The following TLN2 variants were observed in gnomAD, a reference collection of about 807,000 sequenced individuals.
The protein encoded by TLN2 is talin-2.
TLN2 carries 118 observed loss-of-function variants against 294.7 expected under a neutral mutation model. The observed-to-expected ratio is 0.40, with a 90% CI of 0.34 to 0.47. TLN2 has a LOEUF of 0.47. Ranked by LOEUF, TLN2 falls within the 20% of genes least tolerant of loss-of-function variation. The pLI, the probability that TLN2 is intolerant of heterozygous loss-of-function variation, is 0.84. For synonymous variants in TLN2, 1,431 were observed against 1,304.5 expected, an observed-to-expected ratio of 1.10 and a Z score of -2.09; for missense variants, 3,083 against 3,282.2, an observed-to-expected ratio of 0.94 and a Z score of 1.48.
rs1174048943 is a variant in TLN2 at position 62,841,663 on chromosome 15, T to A, written c.*1053T>A. 2 of 151,294 alleles carry A rather than the reference T, an allele frequency of 1.3e-5. No homozygotes were observed. The highest frequency in any genetic ancestry group is 4.9e-5 in the African/African-American group (2 of 40,580). 9.4% of individuals were successfully genotyped at this position (151,294 alleles called of 1,614,324 possible). A position where few individuals can be genotyped will look rare whatever the true frequency, so the allele number is the denominator to read the frequency against. ...AATGTGAACCTTTAACAAGATAGTT[T>A]TACTTATTATCACATAAGACATAAG... On this transcript the variant is annotated 3_prime_UTR_variant, in exon 59 of 59. Transcript: ENST00000636159.
intron 1 of TLN2, among the ~76,000 whole-genome samples, chr15:62,540,292 A>G (rs569221294): frequency 6.6e-6 from 1 of 152,106 alleles, no homozygotes; most frequent in Admixed American, 6.6e-5. Context: ...GTGAGCCAAG[A>G]TCGCACCACT....
intron 41 of TLN2, 45 bp from the exon 42 acceptor site, chr15:62,770,919 G>A: frequency 6.4e-7 from 1 of 1,574,534 alleles, no homozygotes; most frequent in African/African-American, 1.4e-5. Context: ...GGAGACACGT[G>A]TATTTACATG....
At chr15:62,832,828 GC>G (rs1035190729) in intron 54 of TLN2, 1 of 151,696 alleles carries the variant, frequency 6.6e-6, no homozygotes, top group Non-Finnish European at 1.5e-5. Context: ...AGAACTGGTA[GC>G]CATCTTTCCT....
rs542782511 is a variant in TLN2 at position 62,580,163 on chromosome 15, T to TA, written c.-237-9518dup. On this transcript the variant is annotated intron_variant, in intron 1 of 58. Transcript: ENST00000636159. ...ACCACACCTCTTTCTCTCTGTATTT[T>TA]AAAAAATATTTTGTTTATTTTTAAC... Among the ~76,000 whole-genome samples, 21 of 152,306 alleles carry TA rather than the reference T, an allele frequency of 1.4e-4. No individual in the cohort carries two copies. In the South Asian group the frequency reaches 3.9e-3, roughly 29 times the overall value.
chr15:62,794,580 G>A (rs1229395286), intron 46 of TLN2, among the ~76,000 whole-genome samples: 3 of 152,216 alleles, frequency 2.0e-5, no homozygotes, highest in African/African-American at 4.8e-5. Context: ...CCTCTGAGGG[G>A]CTTTCCAGAA....
At chr15:62,395,937 G>A (rs1442892295) in intron 1 of TLN2, among the ~76,000 whole-genome samples, 2 of 152,106 alleles carry the variant, frequency 1.3e-5, no homozygotes, top group Admixed American at 6.6e-5. Context: ...CTGGGTTCAA[G>A]TGATTCTCCT....
rs191032855 is a variant in TLN2, at chr15:62,575,380, A to T, written c.-237-14307A>T. On this transcript the variant is annotated intron_variant, in intron 1 of 58. Transcript: ENST00000636159. ...GATAAACTTTTGCAAATTCAATAAAAATGAAATATTTGAAAAAATAAAATA... is the reference window on the plus strand; with the variant it reads ...GATAAACTTTTGCAAATTCAATAAATATGAAATATTTGAAAAAATAAAATA... Among the ~76,000 whole-genome samples, 237 of 152,352 alleles carry T rather than the reference A, an allele frequency of 1.6e-3. 1 individual carries two copies. Among genetic ancestry groups the T allele is most frequent in the Admixed American group, 3.3e-3 (51 of 15,306 alleles).
chr15:62,415,472 G>C (rs933885770), intron 1 of TLN2, among the ~76,000 whole-genome samples: 1 of 142,482 alleles, frequency 7.0e-6, no homozygotes, highest in Non-Finnish European at 1.5e-5. Context: ...TTTAAGAAAC[G>C]TTTCCTGGTG....
At chr15:62,795,743 G>A (rs1156968017) in intron 46 of TLN2, among the ~76,000 whole-genome samples, 3 of 152,198 alleles carry the variant, frequency 2.0e-5, no homozygotes, top group Non-Finnish European at 4.4e-5. Flanking sequence ...CCCGTTCTGT[G>A]GTTTCAGAAA....
At chr15:62,726,948 C>T (rs911107122) in intron 27 of TLN2, 139 bp from the exon 28 acceptor site, 18 of 843,248 alleles carry the variant, frequency 2.1e-5, no homozygotes, top group Non-Finnish European at 3.2e-5. Flanking sequence ...TCCTGTACCA[C>T]CCTGCTGCGG....
chr15:62,712,014 G>A lies in TLN2; in HGVS notation c.2571G>A (p.Lys857=), dbSNP rs759685818. 1.2e-6 allele frequency: 2 copies of A among 1,614,202 alleles called. No individual in the cohort carries two copies. The highest frequency in any genetic ancestry group is 1.3e-5 in the African/African-American group (1 of 75,048). ...AEAEIDMENS[K]KLLAAAKLLA... ...CCGAAATCGACATGGAGAATTCAAAGAAGCTCCTGGCAGCAGCAAAACTCT... is the reference window on the plus strand; with the variant it reads ...CCGAAATCGACATGGAGAATTCAAAAAAGCTCCTGGCAGCAGCAAAACTCT... Residue 857 remains lysine (K), a synonymous_variant, in exon 22 of 59, where the codon AAG becomes AAA. Coordinates refer to ENST00000636159, the MANE Select transcript of TLN2 (RefSeq NM_015059.3).
At chr15:62,631,645 C>CTTTTCTTCTT (rs1555451399) in intron 3 of TLN2, among the ~76,000 whole-genome samples, 1 of 64,478 alleles carries the variant, frequency 1.6e-5, no homozygotes, top group Non-Finnish European at 3.2e-5. Context: ...CTTTCTCTTT[C>CTTTTCTTCTT]TTTCCTTCTT....
At chr15:62,642,354 T>G (rs1272648968) in intron 3 of TLN2, among the ~76,000 whole-genome samples, 1 of 152,214 alleles carries the variant, frequency 6.6e-6, no homozygotes, top group Non-Finnish European at 1.5e-5. Context: ...TACACAGATT[T>G]GGCTCTGAAG....
At chr15:62,572,224 T>C (rs1322217842) in intron 1 of TLN2, among the ~76,000 whole-genome samples, 2 of 152,104 alleles carry the variant, frequency 1.3e-5, no homozygotes, top group African/African-American at 4.8e-5. Context: ...AGGGCTGCTG[T>C]CATTGTCACC....
chr15:62,690,371 G>A (rs1436750202), intron 12 of TLN2: 35 of 157,844 alleles, frequency 2.2e-4, no homozygotes, highest in Middle Eastern at 2.8e-3. Context: ...CCTCCCAGAC[G>A]GGGCGGCGGG....
At chr15:62,802,738 G>T (rs907092630) in intron 50 of TLN2, among the ~76,000 whole-genome samples, 18 of 152,164 alleles carry the variant, frequency 1.2e-4, no homozygotes, top group Non-Finnish European at 4.4e-5. Flanking sequence ...GCCAGCATTT[G>T]TTATTGCCTG....
rs749795551 is a variant in TLN2, at chr15:62,755,711, C to T, written c.4638+18C>T. 37 of 1,613,520 alleles carry T rather than the reference C, an allele frequency of 2.3e-5. No individual in the cohort carries two copies. Among genetic ancestry groups the T allele is most frequent in the Admixed American group, 6.7e-5 (4 of 59,982 alleles). On this transcript the variant is annotated intron_variant, in intron 37 of 58. Coordinates refer to ENST00000636159, the MANE Select transcript of TLN2 (RefSeq NM_015059.3). ...CCATCAAGGTAGGTCGCTGGACTACCGGCCTTATTGAACTCTGTAACTCCT... is the reference window on the plus strand; with the variant it reads ...CCATCAAGGTAGGTCGCTGGACTACTGGCCTTATTGAACTCTGTAACTCCT...
At chr15:62,703,079 G>A (rs2058815361) in intron 19 of TLN2, among the ~76,000 whole-genome samples, 1 of 151,336 alleles carries the variant, frequency 6.6e-6, no homozygotes, top group Admixed American at 6.6e-5. Flanking sequence ...CGTCATCATT[G>A]TAAAGCACGT....
At chr15:62,421,276 TCTG>T in intron 1 of TLN2, among the ~76,000 whole-genome samples, 1 of 152,264 alleles carries the variant, frequency 6.6e-6, no homozygotes, top group East Asian at 1.9e-4. Context: ...CCTCAGGAGA[TCTG>T]CCCGCTTTGG....
Sources: gnomAD v4.1 joint callset for allele counts (sites outside exome capture counted in the v4.1 genomes callset) on GRCh38, gnomAD v4.1.1 for gene constraint, MANE v1.5 for transcripts, NCBI Gene and HGNC (gene_info 2026-07-23, HGNC 2026-07-21) for gene names.